AMMECR1: variants seen among roughly 807,000 people sequenced by gnomAD.
AMMECR1 encodes the protein nuclear protein AMMECR1.
Under a neutral mutation model 22.5 loss-of-function variants are expected in AMMECR1, and 3 were observed. The observed-to-expected ratio is 0.13, with a 90% confidence interval of 0.06 to 0.35. The LOEUF is 0.35. AMMECR1 is among the 10% of genes least tolerant of loss of function. AMMECR1 has a pLI of 1.00. For missense variants in AMMECR1, 235 were observed against 278.7 expected (o/e 0.84, Z 1.12); for synonymous variants, 130 against 116.7 (o/e 1.11, Z -0.74).
upstream of AMMECR1, among the ~76,000 whole-genome samples, chrX:110,318,457 G>T (rs1396806146): frequency 9.0e-6 from 1 of 110,834 alleles, no homozygotes; most frequent in African/African-American, 3.3e-5. Flanking sequence ...AGGTGGGCAC[G>T]CCCGGGAAGG....
chrX:110,284,311 G>A (rs796825835), intron 1 of AMMECR1, among the ~76,000 whole-genome samples: 1 of 111,241 alleles, frequency 9.0e-6, no homozygotes, highest in African/African-American at 3.3e-5. Context: ...TGATAGTTCC[G>A]TAGAAAGTCT....
intron 2 of AMMECR1, among the ~76,000 whole-genome samples, chrX:110,341,058 A>G (rs2068162161): frequency 8.9e-6 from 1 of 112,628 alleles, no homozygotes; most frequent in Non-Finnish European, 1.9e-5. Flanking sequence ...TGATGGCAGC[A>G]ACTATAGTAA....
intron 1 of AMMECR1, among the ~76,000 whole-genome samples, chrX:110,435,737 T>G (rs2068834423): frequency 8.9e-6 from 1 of 111,887 alleles, no homozygotes; most frequent in Non-Finnish European, 1.9e-5. Flanking sequence ...CAATAATAGT[T>G]CTGAACATTT....
At chrX:110,300,760 C>T (rs947727558) in intron 1 of AMMECR1, among the ~76,000 whole-genome samples, 7 of 112,066 alleles carry the variant, frequency 6.2e-5, no homozygotes, top group African/African-American at 2.3e-4. Flanking sequence ...AACTGACATT[C>T]GAAGAAGAGA....
At chrX:110,402,419 C>A (rs2068571421) in intron 2 of AMMECR1, among the ~76,000 whole-genome samples, 2 of 112,937 alleles carry the variant, frequency 1.8e-5, no homozygotes, top group African/African-American at 6.4e-5. Context: ...ATTCCTTGAT[C>A]AGAGCCTTTC....
chrX:110,436,885 C>T (rs17320750), intron 1 of AMMECR1, among the ~76,000 whole-genome samples: 19,034 of 111,083 alleles, frequency 0.17, 1,350 homozygotes, highest in Non-Finnish European at 0.21. Context: ...GCCATAGCTG[C>T]AGTGAGCTGT....
At chrX:110,269,332 T>C (rs751581321) in intron 1 of AMMECR1, among the ~76,000 whole-genome samples, 18 of 111,723 alleles carry the variant, frequency 1.6e-4, no homozygotes, top group African/African-American at 5.5e-4. Context: ...TTAAACCCTA[T>C]CTCTCCTGCC....
chrX:110,321,127 GA>G (rs1280200424), upstream of AMMECR1, among the ~76,000 whole-genome samples: 1 of 111,702 alleles, frequency 9.0e-6, no homozygotes, highest in Non-Finnish European at 1.9e-5. Context: ...CAAATTCTGT[GA>G]AAAAAATTTT....
chrX:110,224,410 T>C (rs1465811736), intron 2 of AMMECR1, among the ~76,000 whole-genome samples: 1 of 111,489 alleles, frequency 9.0e-6, no homozygotes, highest in Admixed American at 9.6e-5. Context: ...GCTATAGGAC[T>C]GCTGAGAGGA....
chrX:110,429,738 T>A (rs1356059352), intron 1 of AMMECR1, among the ~76,000 whole-genome samples: 1 of 112,046 alleles, frequency 8.9e-6, no homozygotes, highest in Admixed American at 9.4e-5. Flanking sequence ...TGTCTCGGCC[T>A]CCCAAAGTGC....
chrX:110,230,767 G>A (rs1331573393), intron 2 of AMMECR1, among the ~76,000 whole-genome samples: 1 of 111,551 alleles, frequency 9.0e-6, no homozygotes, highest in Non-Finnish European at 1.9e-5. Flanking sequence ...TCATCGCAAG[G>A]AAGCTAAAAA....
intron 2 of AMMECR1, among the ~76,000 whole-genome samples, chrX:110,391,418 T>C (rs1227774125): frequency 8.9e-6 from 1 of 112,053 alleles, no homozygotes; most frequent in Non-Finnish European, 1.9e-5. Context: ...GTAAATAGTT[T>C]TCTGGTAAGT....
chrX:110,276,566 G>T (rs940113687), intron 1 of AMMECR1, among the ~76,000 whole-genome samples: 5 of 111,982 alleles, frequency 4.5e-5, no homozygotes, highest in African/African-American at 1.6e-4. Flanking sequence ...CTTTAATGTA[G>T]CCTTTACTAC....
chrX:110,438,638 A>G (rs1569430366), intron 1 of AMMECR1, among the ~76,000 whole-genome samples: 1 of 111,504 alleles, frequency 9.0e-6, no homozygotes, highest in East Asian at 2.8e-4. Context: ...TAGCCTGAAA[A>G]CAAATCCGGT....
chrX:110,301,038 T>A (rs968259190), intron 1 of AMMECR1, among the ~76,000 whole-genome samples: 2 of 111,757 alleles, frequency 1.8e-5, no homozygotes, highest in African/African-American at 6.5e-5. Flanking sequence ...AGTTTACTGT[T>A]GGTTGTATTT....
rs2148159595 is a variant in AMMECR1, at chrX:110,196,006, G to C, written c.*2514C>G. 8.9e-6 allele frequency: 1 copy of C among 111,977 alleles called. No homozygotes were observed. The highest frequency in any genetic ancestry group is 2.8e-4 in the East Asian group (1 of 3,574). 9.2% of individuals were successfully genotyped at this position (111,977 alleles called of 1,213,427 possible). A position where few individuals can be genotyped will look rare whatever the true frequency, so the allele number is the denominator to read the frequency against. On this transcript the variant is annotated 3_prime_UTR_variant, in exon 6 of 6. Transcript: ENST00000262844. ...AATATTGCTGACCTCGTCCTTTGAA[G>C]CCTGCAGGATGGTTATTTCTTCAGT... is the stretch of plus-strand genomic sequence containing the variant.
chrX:110,385,529 C>G (rs774208091), intron 2 of AMMECR1, among the ~76,000 whole-genome samples: 1 of 111,735 alleles, frequency 8.9e-6, no homozygotes, highest in Non-Finnish European at 1.9e-5. Flanking sequence ...CCCTCTCCCC[C>G]TTCCCAGCTC....
chrX:110,199,638 C>A (rs1444498231), intron 5 of AMMECR1, among the ~76,000 whole-genome samples: 1 of 111,269 alleles, frequency 9.0e-6, no homozygotes, highest in Non-Finnish European at 1.9e-5. Flanking sequence ...TGACTTTCTT[C>A]TTTATTTCTA....
intron 2 of AMMECR1, among the ~76,000 whole-genome samples, chrX:110,366,698 C>T (rs2068299486): frequency 9.0e-6 from 1 of 111,545 alleles, no homozygotes; most frequent in South Asian, 3.8e-4. Context: ...GAATAACAGA[C>T]ATCCAATCGT....
Sources: allele counts gnomAD v4.1 joint callset (sites outside exome capture counted in the v4.1 genomes callset), GRCh38; gene constraint gnomAD v4.1.1; transcripts MANE v1.5; gene names NCBI Gene and HGNC (gene_info 2026-07-23, HGNC 2026-07-21).